PCED1B: variants seen among roughly 807,000 people sequenced by gnomAD.
PCED1B encodes the protein PC-esterase domain-containing protein 1B.
For synonymous variants in PCED1B, 251 were observed against 246.1 expected, an observed-to-expected ratio of 1.02 and a Z score of -0.19; for missense variants, 573 against 573.9, an observed-to-expected ratio of 1.00 and a Z score of 0.02.
In PCED1B at chr12:47,236,312, C is replaced by A. The variant is rs766431910; in HGVS notation, c.1249C>A (p.Arg417=). ...GPYTPWGQRP[R]PSKRRAPANP... is the part of the protein sequence containing the mutation. ...CTATACGCCCTGGGGACAGCGGCCT[C>A]GACCTTCAAAGAGAAGGGCCCCAGC... The change falls in exon 4 of 4, where the codon CGA becomes AGA. Residue 417 remains arginine, a synonymous_variant. Transcript: ENST00000546455. 2 of 1,612,890 alleles carry A rather than the reference C, an allele frequency of 1.2e-6. No homozygotes were observed. Among genetic ancestry groups the A allele is most frequent in the Non-Finnish European group, 1.7e-6 (2 of 1,179,454 alleles).
At chr12:47,131,283 C>G (rs554827265) in intron 2 of PCED1B, among the ~76,000 whole-genome samples, 195 of 152,308 alleles carry the variant, frequency 1.3e-3, no homozygotes, top group Non-Finnish European at 1.9e-3. Flanking sequence ...TTCACCCGCC[C>G]ACTCCAATCC....
In PCED1B at chr12:47,098,099, A is replaced by G. The variant is rs142644534; in HGVS notation, c.-608-6014A>G. On this transcript the variant is annotated intron_variant, in intron 1 of 3. Coordinates refer to ENST00000546455, the MANE Select transcript of PCED1B (RefSeq NM_138371.3). ...CATTTATGCTGCCTCCCCAGCTCCC[A>G]TCTCAGAGAATTCCTGCTATTCACA... is the stretch of plus-strand genomic sequence containing the variant. 1.6e-3 allele frequency among the ~76,000 whole-genome samples: 250 copies of G among 152,288 alleles called. 2 individuals are homozygous for G. The highest frequency in any genetic ancestry group is 3.4e-3 in the Middle Eastern group (1 of 294).
chr12:47,214,692 C>T (rs984398859), intron 2 of PCED1B, among the ~76,000 whole-genome samples: 1 of 152,010 alleles, frequency 6.6e-6, no homozygotes, highest in Non-Finnish European at 1.5e-5. Context: ...ATTATATGCA[C>T]ACACACTGGA....
At chr12:47,201,595 A>C (rs114129894) in intron 2 of PCED1B, among the ~76,000 whole-genome samples, 1 of 148,154 alleles carries the variant, frequency 6.7e-6, no homozygotes, top group Non-Finnish European at 1.5e-5. Context: ...AAAGGAAGAA[A>C]TTTTTTTTTC....
Position 47,236,628 on chromosome 12 carries a change from AAAATAAAATGG to A in PCED1B, c.*274_*284del. On this transcript the variant is annotated 3_prime_UTR_variant, in exon 4 of 4. Coordinates refer to ENST00000546455, the MANE Select transcript of PCED1B (RefSeq NM_138371.3). ...CTCCTATTCTCTTTGCCTTTGTGTAAAAATAAAATGGAAATAAACAAGTTGCACAGAAGTAG... is the reference window on the plus strand; with the variant it reads ...CTCCTATTCTCTTTGCCTTTGTGTAAAAATAAACAAGTTGCACAGAAGTAG... The A allele has an allele frequency of 2.6e-6, 1 of 383,450 alleles. No individual in the cohort carries two copies. Among genetic ancestry groups the A allele is most frequent in the Non-Finnish European group, 4.8e-6 (1 of 208,074 alleles). The allele number at this position is 383,450 out of a possible 1,614,324, so 23.8% of individuals were successfully genotyped here. A position where few individuals can be genotyped will look rare whatever the true frequency, so the allele number is the denominator to read the frequency against.
intron 2 of PCED1B, among the ~76,000 whole-genome samples, chr12:47,168,771 T>C (rs1377864222): frequency 6.6e-6 from 1 of 152,192 alleles, no homozygotes; most frequent in East Asian, 1.9e-4. Context: ...GCTATTAAAG[T>C]GTTGTTACTT....
chr12:47,228,329 G>A lies in PCED1B; in HGVS notation c.-57-6678G>A, dbSNP rs533269675. Among the ~76,000 whole-genome samples the A allele has an allele frequency of 5.3e-5, 8 of 152,158 alleles. No individual in the cohort carries two copies. In the South Asian group the frequency reaches 1.2e-3, roughly 24 times the overall value. ...AGGCATGATCCACCGTGCCCTGCCT[G>A]GGTTCTTCTGAATTCAAGGTCTTTA... On this transcript the variant is annotated intron_variant, in intron 3 of 3. Coordinates refer to ENST00000546455, the MANE Select transcript of PCED1B (RefSeq NM_138371.3).
At position 47,176,198 on chromosome 12, in the gene PCED1B, ATCCTCAAT is replaced by A. The variant is rs1260594773; in HGVS notation, c.-525-40019_-525-40012del. 5.3e-5 allele frequency among the ~76,000 whole-genome samples: 8 copies of A among 152,348 alleles called. No homozygotes were observed. The South Asian group carries it at 1.7e-3, about 32-fold the overall frequency. On this transcript the variant is annotated intron_variant, in intron 2 of 3. Transcript: ENST00000546455. ...ATAAGGAATACATATTTTGGTCTTT[ATCCTCAAT>A]TCCTGGCACAGAGCTCCTAAAACCC...
At chr12:47,112,501 A>G (rs1425056997) in intron 2 of PCED1B, among the ~76,000 whole-genome samples, 6 of 152,220 alleles carry the variant, frequency 3.9e-5, no homozygotes, top group Admixed American at 3.9e-4. Context: ...TGAAGCAACC[A>G]CTTCCACTCA....
chr12:47,226,820 G>A (rs1943645773), intron 3 of PCED1B, among the ~76,000 whole-genome samples: 1 of 152,118 alleles, frequency 6.6e-6, no homozygotes, highest in Non-Finnish European at 1.5e-5. Flanking sequence ...AAGATGCCTA[G>A]GCTAAAATGA....
intron 1 of PCED1B, among the ~76,000 whole-genome samples, chr12:47,082,682 T>C (rs950852025): frequency 6.6e-6 from 1 of 152,172 alleles, no homozygotes; most frequent in East Asian, 1.9e-4. Flanking sequence ...CCTGTGACAT[T>C]ATATAATCCT....
intron 2 of PCED1B, among the ~76,000 whole-genome samples, chr12:47,213,600 T>A (rs1168242590): frequency 6.6e-6 from 1 of 152,182 alleles, no homozygotes; most frequent in Non-Finnish European, 1.5e-5. Flanking sequence ...TAAAGCAAAG[T>A]TTAAATTTCT....
intron 2 of PCED1B, chr12:47,205,800 C>G (rs915424191): frequency 5.3e-5 from 8 of 152,160 alleles, no homozygotes; most frequent in Middle Eastern, 6.8e-3. Context: ...ACCATGTAAC[C>G]GCCTAAGGGG....
chr12:47,113,486 A>G lies in PCED1B; in HGVS notation c.-526+9291A>G, dbSNP rs570438267. On this transcript the variant is annotated intron_variant, in intron 2 of 3. Coordinates refer to ENST00000546455, the MANE Select transcript of PCED1B (RefSeq NM_138371.3). ...ACTGTTTGCTCAGCTTTCATGCTTT[A>G]TACTGCATTGTTCCATACTGATGAC... Among the ~76,000 whole-genome samples the G allele has an allele frequency of 7.8e-4, 119 of 152,304 alleles. 1 individual carries two copies. Among genetic ancestry groups the G allele is most frequent in the African/African-American group, 2.5e-3 (104 of 41,560 alleles).
chr12:47,180,048 G>T (rs981605890), intron 2 of PCED1B, among the ~76,000 whole-genome samples: 2 of 152,074 alleles, frequency 1.3e-5, no homozygotes, highest in Non-Finnish European at 2.9e-5. Context: ...CATCACCCAG[G>T]TATTAAGCCC....
chr12:47,217,609 C>T (rs1345809206), intron 3 of PCED1B, among the ~76,000 whole-genome samples: 1 of 152,114 alleles, frequency 6.6e-6, no homozygotes, highest in African/African-American at 2.4e-5. Flanking sequence ...TGGAGTCTCA[C>T]TCTGCTGCTC....
intron 1 of PCED1B, among the ~76,000 whole-genome samples, chr12:47,095,070 AAT>A (rs1938430575): frequency 9.2e-6 from 1 of 108,842 alleles, no homozygotes; most frequent in African/African-American, 3.9e-5. Context: ...CTGTGCCCAC[AAT>A]TTTTTTTTTT....
At chr12:47,209,669 C>A (rs78725813) in intron 2 of PCED1B, 99 of 152,256 alleles carry the variant, frequency 6.5e-4, no homozygotes, top group African/African-American at 2.3e-3. Flanking sequence ...CAAAGGGAAT[C>A]CAGATGCCTT....
intron 2 of PCED1B, among the ~76,000 whole-genome samples, chr12:47,201,145 G>C (rs1004344937): frequency 6.6e-6 from 1 of 152,146 alleles, no homozygotes; most frequent in Admixed American, 6.5e-5. Context: ...GAAAAGGGGA[G>C]GGGGGGAGTC....
Sources: allele counts gnomAD v4.1 joint callset (sites outside exome capture counted in the v4.1 genomes callset), GRCh38; gene constraint gnomAD v4.1.1; transcripts MANE v1.5; gene names NCBI Gene and HGNC (gene_info 2026-07-23, HGNC 2026-07-21).